AGBL1: variants seen among roughly 807,000 people sequenced by gnomAD.
AGBL1 encodes the protein cytosolic carboxypeptidase 4.
AGBL1 carries 130 observed loss-of-function variants against 118.9 expected under a neutral mutation model. That is an observed-to-expected ratio of 1.09 (90% CI 0.95 to 1.26). The LOEUF (loss-of-function observed/expected upper bound fraction) is 1.26. AGBL1 is among the 50% of genes most tolerant of loss of function. The pLI is 0.00. For synonymous variants in AGBL1, 555 were observed against 478.9 expected (o/e 1.16, Z -2.08); for missense variants, 1,584 against 1,298.1 (o/e 1.22, Z -3.38).
intron 19 of AGBL1, among the ~76,000 whole-genome samples, chr15:86,532,681 G>A (rs1175644885): frequency 2.0e-5 from 3 of 151,622 alleles, no homozygotes; most frequent in Non-Finnish European, 2.9e-5. Context: ...GAACAAAGCT[G>A]GAGGCATCAG....
At chr15:86,757,269 T>G (rs902515428) in intron 22 of AGBL1, among the ~76,000 whole-genome samples, 11 of 152,032 alleles carry the variant, frequency 7.2e-5, no homozygotes, top group African/African-American at 2.7e-4. Context: ...GCAGCCAGAG[T>G]GTGTCAAAGG....
At chr15:86,229,870 A>G (rs1387240603) in intron 6 of AGBL1, among the ~76,000 whole-genome samples, 1 of 152,208 alleles carries the variant, frequency 6.6e-6, no homozygotes, top group African/African-American at 2.4e-5. Flanking sequence ...TTGCAACAAG[A>G]AAACGCCTTC....
intron 5 of AGBL1, among the ~76,000 whole-genome samples, chr15:86,217,683 AGCAAGGTCAAAGGACAAGCCATGG>A (rs1299626020): frequency 6.6e-6 from 1 of 152,232 alleles, no homozygotes; most frequent in Non-Finnish European, 1.5e-5. Flanking sequence ...CTGCAGCATT[AGCAAGGTCAAAGGACAAGCCATGG>A]GTACATGCTC....
At chr15:86,639,278 C>G (rs902807573) in intron 21 of AGBL1, among the ~76,000 whole-genome samples, 9 of 152,118 alleles carry the variant, frequency 5.9e-5, no homozygotes, top group Admixed American at 2.6e-4. Context: ...ACCACAATGA[C>G]CTTGCACTAG....
chr15:86,508,321 C>T (rs111672141), intron 18 of AGBL1, among the ~76,000 whole-genome samples: 5 of 151,976 alleles, frequency 3.3e-5, no homozygotes, highest in African/African-American at 1.2e-4. Context: ...GAAACCAACA[C>T]AAAAGCTTTT....
At chr15:86,123,488 C>G (rs1164070803) in intron 1 of AGBL1, among the ~76,000 whole-genome samples, 2 of 152,230 alleles carry the variant, frequency 1.3e-5, no homozygotes, top group African/African-American at 2.4e-5. Context: ...GATCCGCCTG[C>G]CTCGGCCTCT....
intron 21 of AGBL1, among the ~76,000 whole-genome samples, chr15:86,563,223 C>T (rs1195038608): frequency 2.6e-5 from 4 of 151,832 alleles, no homozygotes; most frequent in East Asian, 1.9e-4. Flanking sequence ...CTAGTTCTTT[C>T]AATTGTGATG....
chr15:86,944,270 T>G (rs1320938915), intron 23 of AGBL1, among the ~76,000 whole-genome samples: 6 of 152,014 alleles, frequency 3.9e-5, no homozygotes. Context: ...CTTCAGCTAC[T>G]TGGGAGGCTG....
At chr15:86,254,444 T>C (rs2078863581) in intron 7 of AGBL1, among the ~76,000 whole-genome samples, 1 of 152,256 alleles carries the variant, frequency 6.6e-6, no homozygotes, top group African/African-American at 2.4e-5. Flanking sequence ...CTGAGCAGTT[T>C]GCTCTTACTT....
intron 21 of AGBL1, among the ~76,000 whole-genome samples, chr15:86,645,032 A>G (rs1450304983): frequency 1.3e-5 from 2 of 152,008 alleles, no homozygotes; most frequent in Non-Finnish European, 2.9e-5. Flanking sequence ...AAACAAACAA[A>G]CAAACAAAAA....
intron 17 of AGBL1, among the ~76,000 whole-genome samples, chr15:86,341,800 T>C (rs1595990341): frequency 6.6e-6 from 1 of 152,288 alleles, no homozygotes; most frequent in East Asian, 1.9e-4. Flanking sequence ...TCCTTCCTTG[T>C]TACTTGTGAG....
chr15:86,154,657 G>A (rs535428630), intron 4 of AGBL1, 96 bp downstream of exon 4: 13 of 1,407,226 alleles, frequency 9.2e-6, no homozygotes, highest in African/African-American at 2.9e-5. Context: ...AAAAGCATGG[G>A]TGAGAGATAC....
chr15:86,433,261 T>TCC (rs1474586818), intron 18 of AGBL1, among the ~76,000 whole-genome samples: 1,813 of 130,136 alleles, frequency 0.014, 13 homozygotes, highest in African/African-American at 0.025. Flanking sequence ...CTCCTCCTCC[T>TCC]TCTTCTTTTT....
chr15:86,471,967 C>T (rs2142103758), intron 18 of AGBL1, among the ~76,000 whole-genome samples: 1 of 152,242 alleles, frequency 6.6e-6, no homozygotes, highest in South Asian at 2.1e-4. Context: ...GACAAGTGTG[C>T]TTATAAGACA....
At chr15:86,506,084 G>A (rs534919627) in intron 18 of AGBL1, among the ~76,000 whole-genome samples, 13 of 152,142 alleles carry the variant, frequency 8.5e-5, no homozygotes, top group South Asian at 4.1e-4. Context: ...GTCTCATAGC[G>A]TTTGCTAGGG....
At chr15:86,229,981 G>T (rs533101549) in intron 6 of AGBL1, among the ~76,000 whole-genome samples, 1 of 152,214 alleles carries the variant, frequency 6.6e-6, no homozygotes, top group Non-Finnish European at 1.5e-5. Flanking sequence ...GTTTGCAGAA[G>T]TTGGGGCATG....
At chr15:86,142,686 C>G (rs1442752552) in intron 2 of AGBL1, among the ~76,000 whole-genome samples, 1 of 152,156 alleles carries the variant, frequency 6.6e-6, no homozygotes, top group Non-Finnish European at 1.5e-5. Flanking sequence ...ATTATGGTTT[C>G]AAGAGGAAGG....
intron 21 of AGBL1, among the ~76,000 whole-genome samples, chr15:86,614,816 A>T (rs1395119129): frequency 6.6e-6 from 1 of 152,220 alleles, no homozygotes; most frequent in Non-Finnish European, 1.5e-5. Context: ...TTGTCATATA[A>T]TCTACTGATC....
chr15:86,667,242 G>GTATCTATCTATCTATCTATC (rs1331835283), intron 21 of AGBL1, among the ~76,000 whole-genome samples: 6 of 113,012 alleles, frequency 5.3e-5, no homozygotes, highest in African/African-American at 1.8e-4. Flanking sequence ...ATGTATGTAT[G>GTATCTATCTATCTATCTATC]TATGTATGTA....
Sources: gnomAD v4.1 joint callset for allele counts (sites outside exome capture counted in the v4.1 genomes callset) on GRCh38, gnomAD v4.1.1 for gene constraint, MANE v1.5 for transcripts, NCBI Gene and HGNC (gene_info 2026-07-23, HGNC 2026-07-21) for gene names.